Variants in XDH observed in about 807,000 individuals in gnomAD.
XDH encodes the protein xanthine dehydrogenase/oxidase.
XDH carries 138 observed loss-of-function variants against 156.1 expected under a neutral mutation model. The observed-to-expected ratio is 0.88, with a 90% CI of 0.77 to 1.02. XDH has a LOEUF of 1.02. Ranked by LOEUF, XDH falls within the 50% of genes least tolerant of loss-of-function variation. XDH has a pLI of 0.00. For missense variants in XDH, 1,849 were observed against 1,684.9 expected (o/e 1.10, Z -1.71); for synonymous variants, 669 against 625.7 (o/e 1.07, Z -1.03).
intron 33 of XDH, among the ~76,000 whole-genome samples, chr2:31,340,380 T>G (rs1184594368): frequency 6.6e-6 from 1 of 152,252 alleles, no homozygotes; most frequent in East Asian, 1.9e-4. Context: ...GTCCATTTTT[T>G]AGAAGTACAA....
intron 13 of XDH, among the ~76,000 whole-genome samples, chr2:31,378,162 G>GGAAGGAAGGAAGGAAA (rs1686322930): frequency 1.8e-5 from 2 of 112,206 alleles, no homozygotes; most frequent in African/African-American, 3.3e-5. Context: ...AAGGAAGGAA[G>GGAAGGAAGGAAGGAAA]GAAGGAAGGA....
chr2:31,356,462 G>A (rs1420207636), intron 24 of XDH, among the ~76,000 whole-genome samples: 1 of 152,150 alleles, frequency 6.6e-6, no homozygotes, highest in African/African-American at 2.4e-5. Context: ...ACATGTCTCT[G>A]TAAGAGAGAA....
intron 32 of XDH, among the ~76,000 whole-genome samples, chr2:31,341,744 A>C: frequency 6.6e-6 from 1 of 152,186 alleles, no homozygotes; most frequent in Admixed American, 6.5e-5. Flanking sequence ...GAGTCAATAT[A>C]CTACGTTCCA....
chr2:31,346,867 C>G (rs769394228), intron 29 of XDH, 24 bp from the exon 30 acceptor site: 1 of 1,613,838 alleles, frequency 6.2e-7, no homozygotes, highest in Non-Finnish European at 8.5e-7. Flanking sequence ...CCCCCACACC[C>G]CAGACACATC....
At chr2:31,391,062 C>G (rs1194770395) in intron 6 of XDH, among the ~76,000 whole-genome samples, 2 of 152,116 alleles carry the variant, frequency 1.3e-5, no homozygotes, top group East Asian at 3.8e-4. Context: ...ATTCCAAGGT[C>G]ATCTAGGTTT....
Position 31,334,399 on chromosome 2 carries a change from A to G in XDH, c.*1559T>C, listed in dbSNP as rs73922345. 1 of 152,348 alleles carries G rather than the reference A, an allele frequency of 6.6e-6. No individual in the cohort carries two copies. The highest frequency in any genetic ancestry group is 2.4e-5 in the African/African-American group (1 of 41,580). 9.4% of individuals were successfully genotyped at this position (152,348 alleles called of 1,614,324 possible). On this transcript the variant is annotated 3_prime_UTR_variant, in exon 36 of 36. Transcript: ENST00000379416. ...TTTCCACTATCCTCCCTCCATGGCC[A>G]GAACCACAGATTCTCTCTGGCAGAA... is the stretch of plus-strand genomic sequence containing the variant.
intron 24 of XDH, among the ~76,000 whole-genome samples, chr2:31,362,110 T>C (rs1475979844): frequency 2.0e-5 from 3 of 152,214 alleles, no homozygotes; most frequent in African/African-American, 7.2e-5. Flanking sequence ...CAGGACTGAC[T>C]ATGTTGCTTT....
chr2:31,386,614 T>C, intron 8 of XDH, 59 bp from the exon 9 acceptor site: 1 of 1,610,504 alleles, frequency 6.2e-7, no homozygotes, highest in Middle Eastern at 1.7e-4. Context: ...ATTCCTCTTA[T>C]AAATTGCTTT....
At chr2:31,414,380 C>T (rs1324133447) in intron 1 of XDH, among the ~76,000 whole-genome samples, 1 of 151,810 alleles carries the variant, frequency 6.6e-6, no homozygotes, top group African/African-American at 2.4e-5. Context: ...CTCACAGATG[C>T]CTCTCTGCTT....
intron 24 of XDH, among the ~76,000 whole-genome samples, chr2:31,351,897 T>C (rs1215655674): frequency 6.6e-6 from 1 of 152,214 alleles, no homozygotes; most frequent in Non-Finnish European, 1.5e-5. Context: ...AGAGTTCTGT[T>C]TTTTCTTCCT....
At position 31,388,271 on chromosome 2, in the gene XDH, C is replaced by T; in HGVS notation, c.520G>A (p.Gly174Arg). Reference protein sequence around the residue: ...ARDGGCCGGDGNNPNCCMNQK... With the variant: ...ARDGGCCGGDRNNPNCCMNQK... ...TTCATGCAGCAATTTGGATTATTCCCATCTCCTCCACAGCATCCACCATCC... is the reference window on the plus strand; with the variant it reads ...TTCATGCAGCAATTTGGATTATTCCTATCTCCTCCACAGCATCCACCATCC... Residue 174 changes from glycine to arginine, a missense_variant, in exon 7 of 36, where the codon GGG (glycine) becomes AGG (arginine). Coordinates refer to ENST00000379416, the MANE Select transcript of XDH (RefSeq NM_000379.4). 6.2e-7 allele frequency: 1 copy of T among 1,614,144 alleles called. No individual in the cohort carries two copies. The highest frequency in any genetic ancestry group is 1.3e-5 in the African/African-American group (1 of 75,034).
At position 31,375,481 on chromosome 2, in the gene XDH, G is replaced by C; in HGVS notation, c.1501C>G (p.Pro501Ala). Residue 501 changes from proline to alanine, a missense_variant, in exon 15 of 36, where the codon CCT becomes GCT. Pro to Ala is a conservative substitution (Grantham distance 27). Coordinates refer to ENST00000379416, the MANE Select transcript of XDH (RefSeq NM_000379.4). ...AEELHLPPDAPGGMVDFRCTL... is the reference protein window; with the variant it reads ...AEELHLPPDAAGGMVDFRCTL... The stretch of plus-strand genomic sequence containing the variant: ...CACCGGAAGTCCACCATGCCACCAG[G>C]GGCATCGGGAGGCAGATGCAGCTCC... 6.2e-7 allele frequency: 1 copy of C among 1,614,112 alleles called. No homozygotes were observed. The highest frequency in any genetic ancestry group is 8.5e-7 in the Non-Finnish European group (1 of 1,180,026).
chr2:31,348,527 G>A (rs1206635622), intron 27 of XDH, among the ~76,000 whole-genome samples, 164 bp from the exon 28 acceptor site: 1 of 152,198 alleles, frequency 6.6e-6, no homozygotes, highest in Admixed American at 6.5e-5. Flanking sequence ...TAATTATATA[G>A]CACTTCAGTA....
intron 26 of XDH, among the ~76,000 whole-genome samples, chr2:31,349,432 G>A (rs925686391): frequency 5.3e-5 from 8 of 152,114 alleles, no homozygotes; most frequent in Non-Finnish European, 1.2e-4. Context: ...ATCATACGGT[G>A]TGCCCAAAGG....
intron 24 of XDH, among the ~76,000 whole-genome samples, chr2:31,353,327 T>C (rs1440580783): frequency 6.6e-6 from 1 of 152,150 alleles, no homozygotes; most frequent in Non-Finnish European, 1.5e-5. Context: ...CACACGATAA[T>C]TACTGACACA....
intron 26 of XDH, 107 bp downstream of exon 26, chr2:31,349,579 T>C: frequency 1.3e-6 from 2 of 1,506,036 alleles, no homozygotes; most frequent in Non-Finnish European, 1.8e-6. Context: ...AACTCAGCAG[T>C]CTCATAAGTT....
chr2:31,385,013 A>G lies in XDH; in HGVS notation c.794-1166T>C, dbSNP rs542711474. ...GGAACTTAGGTAATCTTTGTTATTC[A>G]TTTCTCTTGGAATCCAACTGGGCCC... On this transcript the variant is annotated intron_variant, in intron 9 of 35. Transcript: ENST00000379416. Among the ~76,000 whole-genome samples the G allele has an allele frequency of 1.2e-4, 18 of 152,222 alleles. No homozygotes were observed. In the South Asian group the frequency reaches 3.1e-3, roughly 26 times the overall value.
intron 24 of XDH, among the ~76,000 whole-genome samples, chr2:31,358,778 C>CA (rs1347629732): frequency 6.6e-6 from 1 of 151,950 alleles, no homozygotes; most frequent in African/African-American, 2.4e-5. Context: ...TGAGTATCTA[C>CA]AAAAAACAAA....
rs754593222 is a variant in XDH at position 31,403,078 on chromosome 2, G to C, written c.167C>G (p.Ser56Cys). The stretch of plus-strand genomic sequence containing the variant: ...CTTGTTCTGCAGACGATCATACTTG[G>C]AGAGCATCACTGTGCAAGCCCCGCA... Reference protein sequence around the residue: ...GGCGACTVMLSKYDRLQNKIV... With the variant: ...GGCGACTVMLCKYDRLQNKIV... The change falls in exon 3 of 36, where the codon TCC (serine) becomes TGC (cysteine). Residue 56 changes from serine to cysteine, a missense_variant. Physicochemically the swap from Ser to Cys is moderately radical, Grantham distance 112 (BLOSUM62 -1). Coordinates refer to ENST00000379416, the MANE Select transcript of XDH (RefSeq NM_000379.4). The C allele has an allele frequency of 1.2e-5, 19 of 1,614,034 alleles. No homozygotes were observed. Among genetic ancestry groups the C allele is most frequent in the Middle Eastern group, 1.6e-4 (1 of 6,084 alleles).
Sources: allele counts gnomAD v4.1 joint callset (sites outside exome capture counted in the v4.1 genomes callset), GRCh38; gene constraint gnomAD v4.1.1; transcripts MANE v1.5; gene names NCBI Gene and HGNC (gene_info 2026-07-23, HGNC 2026-07-21).